Variants in RBFOX1 observed in about 807,000 individuals in gnomAD.
RBFOX1 encodes RNA binding fox-1 homolog 1.
In RBFOX1, 8 loss-of-function variants were observed where a neutral mutation model predicts 57.7. That is an observed-to-expected ratio of 0.14 (90% CI 0.08 to 0.25). The LOEUF (loss-of-function observed/expected upper bound fraction) is 0.25. Ranked by LOEUF, RBFOX1 falls within the 10% of genes least tolerant of loss-of-function variation. The probability of loss-of-function intolerance (pLI) is 1.00; values close to 1 mark genes in which losing one functional copy is unlikely to be tolerated. For missense variants in RBFOX1, 611 were observed against 548.5 expected (o/e 1.11, Z -1.14); for synonymous variants, 326 against 222.4 (o/e 1.47, Z -4.15).
intron 2 of RBFOX1, among the ~76,000 whole-genome samples, chr16:5,504,665 C>A (rs139134225): frequency 1.3e-5 from 2 of 152,210 alleles, no homozygotes; most frequent in Admixed American, 1.3e-4. Flanking sequence ...CTACCATTTG[C>A]TGAGCATTTG....
intron 4 of RBFOX1, among the ~76,000 whole-genome samples, chr16:7,076,154 G>A (rs2058260983): frequency 6.6e-6 from 1 of 150,636 alleles, no homozygotes; most frequent in Non-Finnish European, 1.5e-5. Flanking sequence ...TGATTCCCCT[G>A]CCTCAGCCTC....
intron 4 of RBFOX1, among the ~76,000 whole-genome samples, chr16:5,976,314 G>C (rs2060062622): frequency 6.6e-6 from 1 of 152,150 alleles, no homozygotes. Flanking sequence ...AAAACATCAG[G>C]ATGAAAAGCT....
intron 3 of RBFOX1, among the ~76,000 whole-genome samples, chr16:6,715,945 T>A (rs2064731857): frequency 6.6e-6 from 1 of 152,146 alleles, no homozygotes; most frequent in African/African-American, 2.4e-5. Context: ...GTATGATGAT[T>A]AAGTCAAGGA....
intron 3 of RBFOX1, among the ~76,000 whole-genome samples, chr16:6,829,522 T>C (rs1008703471): frequency 6.6e-6 from 1 of 151,882 alleles, no homozygotes; most frequent in Non-Finnish European, 1.5e-5. Flanking sequence ...TATAGGTACT[T>C]AGTATGACAA....
intron 11 of RBFOX1, among the ~76,000 whole-genome samples, chr16:7,637,139 A>G (rs2061897005): frequency 6.6e-6 from 1 of 152,156 alleles, no homozygotes. Flanking sequence ...TATCAATGCC[A>G]ATGAGCGCGT....
intron 4 of RBFOX1, among the ~76,000 whole-genome samples, chr16:7,316,013 C>A (rs768475903): frequency 6.6e-6 from 1 of 152,202 alleles, no homozygotes; most frequent in Non-Finnish European, 1.5e-5. Context: ...TTGTGCAAAT[C>A]TGGTGATTCA....
At chr16:7,066,607 G>A (rs766626078) in intron 4 of RBFOX1, among the ~76,000 whole-genome samples, 9 of 152,146 alleles carry the variant, frequency 5.9e-5, no homozygotes, top group Non-Finnish European at 1.0e-4. Flanking sequence ...CTCATAAAGC[G>A]GGGGGTGTTT....
chr16:5,342,829 C>T (rs1191110340), intron 1 of RBFOX1, among the ~76,000 whole-genome samples: 1 of 152,142 alleles, frequency 6.6e-6, no homozygotes, highest in South Asian at 2.1e-4. Context: ...TTACTATGGA[C>T]ATGTGACTGT....
intron 2 of RBFOX1, among the ~76,000 whole-genome samples, chr16:6,453,218 C>T (rs886482293): frequency 1.3e-5 from 2 of 152,060 alleles, no homozygotes; most frequent in East Asian, 3.9e-4. Flanking sequence ...ACCCATCAAC[C>T]TGTCATCTAC....
chr16:7,310,108 A>G (rs984116252), intron 4 of RBFOX1, among the ~76,000 whole-genome samples: 11 of 152,310 alleles, frequency 7.2e-5, no homozygotes, highest in Admixed American at 3.9e-4. Context: ...CTCAGGCACA[A>G]TGGCCCAGAA....
At chr16:5,975,625 G>T (rs1308802373) in intron 4 of RBFOX1, among the ~76,000 whole-genome samples, 1 of 152,088 alleles carries the variant, frequency 6.6e-6, no homozygotes, top group African/African-American at 2.4e-5. Flanking sequence ...TACTTTATCT[G>T]TGATCAGTTC....
intron 1 of RBFOX1, among the ~76,000 whole-genome samples, chr16:5,288,888 AG>A (rs1162395583): frequency 2.0e-5 from 1 of 50,962 alleles, no homozygotes; most frequent in Non-Finnish European, 6.0e-5. Context: ...GTACTTTGGG[AG>A]GCCAGGGCAA....
At chr16:7,034,476 G>T (rs1029348461) in intron 3 of RBFOX1, among the ~76,000 whole-genome samples, 4 of 152,124 alleles carry the variant, frequency 2.6e-5, no homozygotes, top group African/African-American at 9.7e-5. Context: ...GCTCCAGCTG[G>T]CTGAAAGTGT....
chr16:6,087,211 C>T (rs2096099490), intron 1 of RBFOX1, among the ~76,000 whole-genome samples: 1 of 152,184 alleles, frequency 6.6e-6, no homozygotes, highest in South Asian at 2.1e-4. Context: ...TGAAAAGTGG[C>T]ACATTTTTAG....
intron 1 of RBFOX1, among the ~76,000 whole-genome samples, chr16:6,199,607 G>C (rs1022432824): frequency 2.0e-5 from 3 of 152,090 alleles, no homozygotes; most frequent in Non-Finnish European, 4.4e-5. Flanking sequence ...TATTGGTTTT[G>C]TATTAACTAA....
intron 4 of RBFOX1, among the ~76,000 whole-genome samples, chr16:7,121,579 A>G (rs879298563): frequency 2.0e-5 from 3 of 152,074 alleles, no homozygotes; most frequent in African/African-American, 2.4e-5. Flanking sequence ...ATCTAAATAT[A>G]TACATAGATT....
intron 4 of RBFOX1, among the ~76,000 whole-genome samples, chr16:7,086,269 G>C (rs2059966390): frequency 6.6e-6 from 1 of 152,128 alleles, no homozygotes; most frequent in African/African-American, 2.4e-5. Context: ...AAATCAACAA[G>C]GGGCTCGGTT....
At chr16:5,743,043 C>A (rs2052834180) in intron 3 of RBFOX1, among the ~76,000 whole-genome samples, 1 of 152,088 alleles carries the variant, frequency 6.6e-6, no homozygotes, top group Non-Finnish European at 1.5e-5. Context: ...TTACTATTAG[C>A]CTGTTTTTTT....
intron 2 of RBFOX1, among the ~76,000 whole-genome samples, chr16:6,487,964 T>G (rs2095543441): frequency 6.6e-6 from 1 of 151,948 alleles, no homozygotes; most frequent in Non-Finnish European, 1.5e-5. Flanking sequence ...CTAACCTGGT[T>G]TGAATTAACT....
Sources: allele counts gnomAD v4.1 joint callset (sites outside exome capture counted in the v4.1 genomes callset), GRCh38; gene constraint gnomAD v4.1.1; transcripts MANE v1.5; gene names NCBI Gene and HGNC (gene_info 2026-07-23, HGNC 2026-07-21).